SLC4A4: variants seen among roughly 807,000 people sequenced by gnomAD.
The protein encoded by SLC4A4 is solute carrier family 4 member 4, also known as electrogenic sodium bicarbonate cotransporter 1.
In SLC4A4, 27 loss-of-function variants were observed where a neutral mutation model predicts 111.5. The ratio of observed to expected loss-of-function variants is 0.24; its 90% confidence interval spans 0.18 to 0.33. The LOEUF (loss-of-function observed/expected upper bound fraction) is 0.33. Ranked by LOEUF, SLC4A4 falls within the 10% of genes least tolerant of loss-of-function variation. The pLI is 1.00. For synonymous variants in SLC4A4, 443 were observed against 463.4 expected (o/e 0.96, Z 0.57); for missense variants, 909 against 1,315.5 (o/e 0.69, Z 4.78).
intron 3 of SLC4A4, among the ~76,000 whole-genome samples, chr4:71,321,052 G>A (rs545508068): frequency 2.0e-5 from 3 of 152,078 alleles, no homozygotes; most frequent in East Asian, 1.9e-4. Flanking sequence ...GTCAAAGGGG[G>A]TGAATTCTTT....
chr4:71,546,634 A>G, intron 19 of SLC4A4, 106 bp downstream of exon 19: 1 of 944,958 alleles, frequency 1.1e-6, no homozygotes, highest in Non-Finnish European at 1.7e-6. Flanking sequence ...GCTTGTGATG[A>G]TTAATTTATT....
rs370232348 is a variant in SLC4A4 at position 71,174,360 on chromosome 4, G to A, written c.-1-62216G>A. Among the ~76,000 whole-genome samples the A allele has an allele frequency of 2.3e-4, 35 of 150,656 alleles. No individual in the cohort carries two copies. In the South Asian group the frequency reaches 3.8e-3, roughly 16 times the overall value. On this transcript the variant is annotated intron_variant, in intron 2 of 26. Coordinates refer to the SLC4A4 transcript ENST00000649996. ...TGCTTCCTGGGTTCAAGCAATTCTC[G>A]TGCCTCAGCCTCCCAAGTAGCTGGT...
At chr4:71,487,401 C>A (rs1441655637) in intron 15 of SLC4A4, among the ~76,000 whole-genome samples, 1 of 151,596 alleles carries the variant, frequency 6.6e-6, no homozygotes, top group Non-Finnish European at 1.5e-5. Context: ...TTCTTACCAA[C>A]CAAATGGTGC....
chr4:71,159,123 A>G (rs1015968206), intron 2 of SLC4A4, among the ~76,000 whole-genome samples: 2 of 152,248 alleles, frequency 1.3e-5, no homozygotes, highest in Non-Finnish European at 2.9e-5. Flanking sequence ...GTATAGCTAC[A>G]TATCTATATC....
intron 1 of SLC4A4, among the ~76,000 whole-genome samples, chr4:71,213,415 C>G (rs925936107): frequency 6.6e-6 from 1 of 152,184 alleles, no homozygotes; most frequent in Non-Finnish European, 1.5e-5. Flanking sequence ...CACAAGAAAG[C>G]TCTGCTTTCA....
intron 3 of SLC4A4, among the ~76,000 whole-genome samples, chr4:71,332,798 A>T (rs1012281826): frequency 6.6e-6 from 1 of 152,204 alleles, no homozygotes. Flanking sequence ...TGCTGTTGAG[A>T]GACTCTGATG....
chr4:71,356,982 G>T, intron 5 of SLC4A4, 26 bp from the exon 6 acceptor site: 1 of 1,612,524 alleles, frequency 6.2e-7, no homozygotes, highest in South Asian at 1.1e-5. Context: ...ACTGAGTTTT[G>T]TTTTTTGCTT....
intron 2 of SLC4A4, among the ~76,000 whole-genome samples, chr4:71,178,545 T>C (rs572292477): frequency 1.1e-3 from 169 of 152,230 alleles, no homozygotes; most frequent in African/African-American, 3.9e-3. Context: ...CCCACAGAAA[T>C]ACAAACTACC....
At chr4:71,326,901 TA>T (rs1671218996) in intron 3 of SLC4A4, among the ~76,000 whole-genome samples, 1 of 152,108 alleles carries the variant, frequency 6.6e-6, no homozygotes, top group African/African-American at 2.4e-5. Flanking sequence ...AATGAATACT[TA>T]AAATGATAAC....
chr4:71,163,606 A>G (rs1405017503), intron 2 of SLC4A4, among the ~76,000 whole-genome samples: 1 of 152,242 alleles, frequency 6.6e-6, no homozygotes, highest in East Asian at 1.9e-4. Context: ...TACTAAGAAG[A>G]CCTAAAAGAT....
intron 3 of SLC4A4, among the ~76,000 whole-genome samples, chr4:71,292,572 G>A (rs2149103980): frequency 6.6e-6 from 1 of 152,232 alleles, no homozygotes; most frequent in African/African-American, 2.4e-5. Context: ...AGACGAACAT[G>A]AAACTGTTCT....
chr4:71,321,629 C>T (rs1347182947), intron 3 of SLC4A4, among the ~76,000 whole-genome samples: 1 of 151,830 alleles, frequency 6.6e-6, no homozygotes, highest in African/African-American at 2.4e-5. Flanking sequence ...TGGGGAGGGC[C>T]TGCTTGGAGT....
intron 6 of SLC4A4, among the ~76,000 whole-genome samples, chr4:71,377,888 G>A (rs952816622): frequency 2.6e-5 from 4 of 152,184 alleles, no homozygotes; most frequent in Admixed American, 1.3e-4. Flanking sequence ...AAGAAGAAGA[G>A]GTTTAATTAG....
At chr4:71,384,553 G>A (rs1322365570) in intron 6 of SLC4A4, among the ~76,000 whole-genome samples, 1 of 151,384 alleles carries the variant, frequency 6.6e-6, no homozygotes, top group Non-Finnish European at 1.5e-5. Context: ...GCAGTGAGGA[G>A]GGGGCTTGAA....
chr4:71,557,340 A>C (rs894064397), intron 21 of SLC4A4, among the ~76,000 whole-genome samples: 3 of 151,988 alleles, frequency 2.0e-5, no homozygotes, highest in Non-Finnish European at 4.4e-5. Flanking sequence ...AGAGTAAGAT[A>C]CATGAGCTAG....
chr4:71,244,357 A>C (rs1019177931), intron 2 of SLC4A4, among the ~76,000 whole-genome samples: 22 of 152,186 alleles, frequency 1.4e-4, no homozygotes, highest in African/African-American at 4.8e-4. Context: ...TGCAAAGTGC[A>C]GTGAGTAACC....
intron 3 of SLC4A4, among the ~76,000 whole-genome samples, chr4:71,306,077 T>C (rs985630414): frequency 3.9e-5 from 6 of 152,208 alleles, no homozygotes; most frequent in Non-Finnish European, 7.3e-5. Context: ...TTCCTTCCTA[T>C]GTTTCTTGTT....
chr4:71,103,606 A>C (rs370036949), intron 2 of SLC4A4, among the ~76,000 whole-genome samples: 2 of 152,298 alleles, frequency 1.3e-5, no homozygotes, highest in African/African-American at 4.8e-5. Context: ...TAGAACTCAG[A>C]ATTAAGAATC....
chr4:71,331,291 T>C (rs1171682270), intron 3 of SLC4A4, among the ~76,000 whole-genome samples: 1 of 152,218 alleles, frequency 6.6e-6, no homozygotes, highest in Non-Finnish European at 1.5e-5. Context: ...CGTATGTTTA[T>C]TGCGGCACTA....
Sources: gnomAD v4.1 joint callset for allele counts (sites outside exome capture counted in the v4.1 genomes callset) on GRCh38, gnomAD v4.1.1 for gene constraint, MANE v1.5 for transcripts, NCBI Gene and HGNC (gene_info 2026-07-23, HGNC 2026-07-21) for gene names.